The following UBE2QL1 variants were observed in gnomAD, a reference collection of about 807,000 sequenced individuals.
UBE2QL1 encodes ubiquitin conjugating enzyme E2 QL1, also known as ubiquitin-conjugating enzyme E2Q-like protein 1.
UBE2QL1 carries 5 observed loss-of-function variants against 12.6 expected under a neutral mutation model. That is an observed-to-expected ratio of 0.40 (90% confidence interval 0.21 to 0.83). The LOEUF is 0.83. Among genes scored for constraint, UBE2QL1 ranks in the 40% least tolerant of loss-of-function variants. The pLI, the probability that UBE2QL1 is intolerant of heterozygous loss-of-function variation, is 0.37. For missense variants in UBE2QL1, 99 were observed against 222.6 expected, an observed-to-expected ratio of 0.44 and a Z score of 3.53; for synonymous variants, 96 against 94.5, an observed-to-expected ratio of 1.02 and a Z score of -0.10.
intron 1 of UBE2QL1, among the ~76,000 whole-genome samples, chr5:6,485,246 A>G (rs1734440282): frequency 6.6e-6 from 1 of 152,170 alleles, no homozygotes. Context: ...TCATCCGACT[A>G]GATCCAGCTG....
At chr5:6,450,808 G>A (rs1158676807) in intron 1 of UBE2QL1, among the ~76,000 whole-genome samples, 1 of 152,208 alleles carries the variant, frequency 6.6e-6, no homozygotes, top group Non-Finnish European at 1.5e-5. Flanking sequence ...TAGCATAGGT[G>A]TAACAACTCT....
intron 1 of UBE2QL1, among the ~76,000 whole-genome samples, chr5:6,484,422 G>C (rs1016760695): frequency 6.6e-6 from 1 of 152,146 alleles, no homozygotes; most frequent in Non-Finnish European, 1.5e-5. Flanking sequence ...CCACACGCAT[G>C]CTCTTCTGCG....
At chr5:6,463,470 G>A (rs975955543) in intron 1 of UBE2QL1, among the ~76,000 whole-genome samples, 2 of 151,968 alleles carry the variant, frequency 1.3e-5, no homozygotes, top group Non-Finnish European at 2.9e-5. Context: ...TTTCTGCGTG[G>A]TGCAGACTGC....
At chr5:6,484,568 GT>G (rs1734428821) in intron 1 of UBE2QL1, among the ~76,000 whole-genome samples, 1 of 152,168 alleles carries the variant, frequency 6.6e-6, no homozygotes, top group African/African-American at 2.4e-5. Flanking sequence ...GAGATGAGAT[GT>G]GAAAACAGCC....
intron 1 of UBE2QL1, among the ~76,000 whole-genome samples, chr5:6,468,651 A>G (rs1466962230): frequency 2.0e-5 from 3 of 152,212 alleles, no homozygotes; most frequent in Non-Finnish European, 4.4e-5. Context: ...ATCATTTTAA[A>G]TGTTTTACCA....
chr5:6,489,971 C>T (rs377691312), intron 1 of UBE2QL1, among the ~76,000 whole-genome samples: 6 of 152,322 alleles, frequency 3.9e-5, no homozygotes, highest in South Asian at 2.1e-4. Context: ...AAATTCTGTT[C>T]GCGAAGGTTC....
At chr5:6,486,583 G>A (rs1052078850) in intron 1 of UBE2QL1, among the ~76,000 whole-genome samples, 10 of 152,040 alleles carry the variant, frequency 6.6e-5, no homozygotes, top group African/African-American at 9.7e-5. Flanking sequence ...TGTAGAATCC[G>A]TCATACTGTC....
intron 1 of UBE2QL1, among the ~76,000 whole-genome samples, chr5:6,490,906 G>A: frequency 6.6e-6 from 1 of 152,136 alleles, no homozygotes; most frequent in East Asian, 1.9e-4. Context: ...CTCAGGAACT[G>A]GGGCAGAGAT....
intron 1 of UBE2QL1, among the ~76,000 whole-genome samples, chr5:6,462,939 A>G (rs1434086081): frequency 6.6e-6 from 1 of 152,260 alleles, no homozygotes; most frequent in African/African-American, 2.4e-5. Flanking sequence ...GGCGTCAAGC[A>G]CAGTTGGAGT....
At position 6,491,352 on chromosome 5, in the gene UBE2QL1, T is replaced by C. The variant is rs764234058; in HGVS notation, c.*3T>C. ...CCCCGCCCGTGTCCGACGGCTGATG[T>C]CTGCCACGTGCAGTAGACGCTCGAG... On this transcript the variant is annotated 3_prime_UTR_variant, in exon 2 of 2. Transcript: ENST00000399816. The C allele has an allele frequency of 6.5e-7, 1 of 1,549,062 alleles. No individual in the cohort carries two copies. Among genetic ancestry groups the C allele is most frequent in the African/African-American group, 1.4e-5 (1 of 72,900 alleles).
intron 1 of UBE2QL1, among the ~76,000 whole-genome samples, chr5:6,473,284 C>T (rs556849177): frequency 1.3e-5 from 2 of 152,306 alleles, no homozygotes; most frequent in South Asian, 4.1e-4. Flanking sequence ...CACACAAGAG[C>T]GTACCCTGAA....
At chr5:6,486,341 AAC>A (rs527687089) in intron 1 of UBE2QL1, among the ~76,000 whole-genome samples, 28 of 150,158 alleles carry the variant, frequency 1.9e-4, no homozygotes, top group East Asian at 3.9e-4. Flanking sequence ...CACACACACA[AAC>A]ACACACACAC....
chr5:6,486,591 G>A (rs142563063), intron 1 of UBE2QL1, among the ~76,000 whole-genome samples: 75 of 152,202 alleles, frequency 4.9e-4, no homozygotes, highest in African/African-American at 1.8e-3. Context: ...CCGTCATACT[G>A]TCTGGGTTAT....
At chr5:6,486,622 T>C (rs1734472678) in intron 1 of UBE2QL1, among the ~76,000 whole-genome samples, 1 of 152,220 alleles carries the variant, frequency 6.6e-6, no homozygotes, top group African/African-American at 2.4e-5. Context: ...AGGAGCAGAA[T>C]TATTTTCCTT....
intron 1 of UBE2QL1, among the ~76,000 whole-genome samples, chr5:6,486,159 A>G (rs906179842): frequency 8.5e-5 from 13 of 152,194 alleles, no homozygotes; most frequent in African/African-American, 2.4e-4. Flanking sequence ...ACATAATACT[A>G]TTATAATGCT....
intron 1 of UBE2QL1, among the ~76,000 whole-genome samples, chr5:6,465,040 T>G (rs995522040): frequency 6.6e-6 from 1 of 151,004 alleles, no homozygotes; most frequent in Non-Finnish European, 1.5e-5. Flanking sequence ...CAGACTGGAG[T>G]GCAGTGCACA....
chr5:6,449,674 C>T (rs1739372115), intron 1 of UBE2QL1, among the ~76,000 whole-genome samples: 1 of 150,404 alleles, frequency 6.6e-6, no homozygotes, highest in African/African-American at 2.4e-5. Flanking sequence ...CTATTCCCAC[C>T]CCCGTTCCTT....
At position 6,496,446 on chromosome 5, in the gene UBE2QL1, C is replaced by T. The variant is rs568347428; in HGVS notation, c.*5097C>T. On this transcript the variant is annotated 3_prime_UTR_variant, in exon 2 of 2. Coordinates refer to ENST00000399816, the MANE Select transcript of UBE2QL1 (RefSeq NM_001145161.3). ...TTGCCATTATGACAGTGCTAGGATGCTGATCTGTACACCATGAGTGACTGC... is the reference window on the plus strand; with the variant it reads ...TTGCCATTATGACAGTGCTAGGATGTTGATCTGTACACCATGAGTGACTGC... 6.6e-6 allele frequency among the ~76,000 whole-genome samples: 1 copy of T among 152,266 alleles called. No homozygotes were observed. Among genetic ancestry groups the T allele is most frequent in the African/African-American group, 2.4e-5 (1 of 41,560 alleles).
At chr5:6,480,011 C>T (rs1018334176) in intron 1 of UBE2QL1, among the ~76,000 whole-genome samples, 2 of 152,240 alleles carry the variant, frequency 1.3e-5, no homozygotes, top group African/African-American at 4.8e-5. Context: ...GAGAGAGACA[C>T]AGGTAATTGG....
Sources: allele counts gnomAD v4.1 joint callset (sites outside exome capture counted in the v4.1 genomes callset), GRCh38; gene constraint gnomAD v4.1.1; transcripts MANE v1.5; gene names NCBI Gene and HGNC (gene_info 2026-07-23, HGNC 2026-07-21).